Variants in ERICH6 observed in about 807,000 individuals in gnomAD.
ERICH6 encodes glutamate rich 6, also known as glutamate-rich protein 6.
A neutral mutation model predicts 71.0 loss-of-function variants in ERICH6; 71 were observed. That is an observed-to-expected ratio of 1.00 (90% CI 0.83 to 1.22). The LOEUF is 1.22. ERICH6 is among the 50% of genes most tolerant of loss of function. The pLI, the probability that ERICH6 is intolerant of heterozygous loss-of-function variation, is 0.00. For synonymous variants in ERICH6, 262 were observed against 278.4 expected (o/e 0.94, Z 0.59); for missense variants, 808 against 797.2 (o/e 1.01, Z -0.16).
intron 1 of ERICH6, among the ~76,000 whole-genome samples, chr3:150,703,211 C>A (rs542644459): frequency 1.2e-4 from 18 of 150,530 alleles, no homozygotes; most frequent in African/African-American, 4.2e-4. Context: ...GGCGACAGAG[C>A]GAGACTCTTG....
At chr3:150,682,584 A>G (rs946660886) in intron 6 of ERICH6, among the ~76,000 whole-genome samples, 9 of 152,228 alleles carry the variant, frequency 5.9e-5, no homozygotes, top group Non-Finnish European at 1.2e-4. Context: ...CCTTCCTGGT[A>G]TAAGAAGAAA....
intron 4 of ERICH6, 131 bp downstream of exon 4, chr3:150,686,167 C>T (rs1170779037): frequency 4.0e-6 from 5 of 1,248,774 alleles, no homozygotes; most frequent in Admixed American, 1.8e-5. Context: ...CTGACGTTTT[C>T]GCCACCTTCT....
rs1240918830 is a variant in ERICH6, at chr3:150,669,431, G to T, written c.1364C>A (p.Ala455Asp). 1.2e-6 allele frequency: 2 copies of T among 1,613,606 alleles called. No homozygotes were observed. The highest frequency in any genetic ancestry group is 3.3e-5 in the Admixed American group (2 of 59,898). The change falls in exon 12 of 14, where the codon GCC becomes GAC. Residue 455 changes from alanine to aspartate, a missense_variant. This residue lies in a region of ERICH6 where 736 missense variants were observed against 712.2 expected (regional missense o/e 1.03). Transcript: ENST00000295910. ...TACCTTGTTGGGCACTCGAATGATG[G>T]CTAGGTTTCCAGATGGATAGCTGAG... ...TQIFYPSGNLAIIRVPNKVNG... is the reference protein window; with the variant it reads ...TQIFYPSGNLDIIRVPNKVNG...
intron 10 of ERICH6, among the ~76,000 whole-genome samples, chr3:150,676,428 G>A (rs1262004111): frequency 1.3e-5 from 2 of 151,826 alleles, no homozygotes; most frequent in African/African-American, 4.8e-5. Flanking sequence ...GTCTTTTCAG[G>A]TCTCTTCTTA....
At chr3:150,695,153 A>G (rs183424195) in intron 3 of ERICH6, among the ~76,000 whole-genome samples, 102 of 152,320 alleles carry the variant, frequency 6.7e-4, no homozygotes, top group African/African-American at 1.6e-3. Flanking sequence ...AAATATTTAG[A>G]CCATAACAAC....
chr3:150,694,626 C>G (rs1712583653), intron 3 of ERICH6, among the ~76,000 whole-genome samples: 1 of 152,190 alleles, frequency 6.6e-6, no homozygotes, highest in African/African-American at 2.4e-5. Flanking sequence ...CCTTTAAATA[C>G]TGAAGCCCTC....
At chr3:150,703,088 C>T (rs1712978275) in intron 1 of ERICH6, among the ~76,000 whole-genome samples, 2 of 151,756 alleles carry the variant, frequency 1.3e-5, no homozygotes, top group African/African-American at 4.8e-5. Flanking sequence ...CATAGTGAGA[C>T]GCCAGATTAG....
intron 3 of ERICH6, among the ~76,000 whole-genome samples, chr3:150,689,519 AT>A (rs1335102298): frequency 1.3e-5 from 2 of 152,140 alleles, no homozygotes; most frequent in African/African-American, 2.4e-5. Flanking sequence ...ATTTTAAAAG[AT>A]TTTTTTAAAA....
chr3:150,680,125 G>A (rs1004879494), intron 9 of ERICH6, among the ~76,000 whole-genome samples: 2 of 152,224 alleles, frequency 1.3e-5, no homozygotes, highest in Non-Finnish European at 2.9e-5. Flanking sequence ...ATGAGATGAA[G>A]ACTGAAAACT....
At chr3:150,666,282 G>A (rs1313874633) in intron 13 of ERICH6, among the ~76,000 whole-genome samples, 4 of 152,138 alleles carry the variant, frequency 2.6e-5, no homozygotes, top group East Asian at 1.9e-4. Flanking sequence ...CAGTAGGAAC[G>A]GCAGCACTGT....
chr3:150,665,705 T>G (rs1427559743), intron 13 of ERICH6, among the ~76,000 whole-genome samples: 1 of 150,280 alleles, frequency 6.7e-6, no homozygotes, highest in African/African-American at 2.5e-5. Flanking sequence ...TGGGCGCCTG[T>G]AGTCCCAGCT....
intron 7 of ERICH6, 116 bp from the exon 8 acceptor site, chr3:150,681,046 A>G (rs1309606703): frequency 9.4e-7 from 1 of 1,064,822 alleles, no homozygotes; most frequent in African/African-American, 1.6e-5. Context: ...TATTCTGGTA[A>G]TAGCTTTATT....
At chr3:150,691,091 A>T (rs1271138305) in intron 3 of ERICH6, among the ~76,000 whole-genome samples, 1 of 152,216 alleles carries the variant, frequency 6.6e-6, no homozygotes, top group African/African-American at 2.4e-5. Context: ...AGATGGAATC[A>T]GTTGGGTCAA....
chr3:150,691,106 T>G (rs1376052766), intron 3 of ERICH6, among the ~76,000 whole-genome samples: 1 of 152,186 alleles, frequency 6.6e-6, no homozygotes, highest in Non-Finnish European at 1.5e-5. Flanking sequence ...GGTCAAATCT[T>G]TTTCACTGTC....
At chr3:150,691,339 A>T (rs1315624177) in intron 3 of ERICH6, among the ~76,000 whole-genome samples, 1 of 152,216 alleles carries the variant, frequency 6.6e-6, no homozygotes, top group Non-Finnish European at 1.5e-5. Context: ...TTCTTAAAAG[A>T]AAAGGGTGTC....
chr3:150,667,630 T>G (rs1727473321), intron 12 of ERICH6, among the ~76,000 whole-genome samples: 1 of 152,156 alleles, frequency 6.6e-6, no homozygotes, highest in South Asian at 2.1e-4. Flanking sequence ...CATGAATGCC[T>G]TACATTTTAC....
At chr3:150,703,447 C>A in intron 1 of ERICH6, 49 bp downstream of exon 1, 1 of 1,506,594 alleles carries the variant, frequency 6.6e-7, no homozygotes, top group South Asian at 1.3e-5. Context: ...GACCAGGTGC[C>A]CCCTGGAGAC....
chr3:150,665,259 T>A (rs1216540728), intron 13 of ERICH6, among the ~76,000 whole-genome samples: 1 of 152,106 alleles, frequency 6.6e-6, no homozygotes, highest in Non-Finnish European at 1.5e-5. Context: ...TGTTTGGTGG[T>A]CATGAGATAT....
chr3:150,687,872 C>T (rs866555760), intron 3 of ERICH6, among the ~76,000 whole-genome samples: 1 of 152,144 alleles, frequency 6.6e-6, no homozygotes, highest in Non-Finnish European at 1.5e-5. Context: ...AATCCCAGAA[C>T]TCTGGGAGGC....
Sources: gnomAD v4.1 joint callset for allele counts (sites outside exome capture counted in the v4.1 genomes callset) on GRCh38, gnomAD v4.1.1 for gene constraint, gnomAD v4.1.1 regional missense constraint, MANE v1.5 for transcripts, NCBI Gene and HGNC (gene_info 2026-07-23, HGNC 2026-07-21) for gene names.